The following LRP1B variants were observed in gnomAD, a reference collection of about 807,000 sequenced individuals.
The protein encoded by LRP1B is LDL receptor related protein 1B, also known as low-density lipoprotein receptor-related protein 1B.
LRP1B carries 217 observed loss-of-function variants against 556.6 expected under a neutral mutation model. The observed-to-expected ratio is 0.39, with a 90% CI of 0.35 to 0.44. The LOEUF is 0.44. Ranked by LOEUF, LRP1B falls within the 20% of genes least tolerant of loss-of-function variation. LRP1B has a pLI of 1.00. For synonymous variants in LRP1B, 2,047 were observed against 1,865.8 expected, an observed-to-expected ratio of 1.10 and a Z score of -2.50; for missense variants, 5,053 against 5,620.8, an observed-to-expected ratio of 0.90 and a Z score of 3.23.
At chr2:141,292,361 G>C (rs1292948450) in intron 3 of LRP1B, among the ~76,000 whole-genome samples, 1 of 152,020 alleles carries the variant, frequency 6.6e-6, no homozygotes, top group Non-Finnish European at 1.5e-5. Context: ...TAACCAGAAT[G>C]CTCCCTCTAT....
chr2:141,033,626 C>T (rs1461656447), intron 11 of LRP1B, among the ~76,000 whole-genome samples: 1 of 151,824 alleles, frequency 6.6e-6, no homozygotes, highest in African/African-American at 2.4e-5. Flanking sequence ...GGTAATTAGG[C>T]TTAGATGAGG....
intron 2 of LRP1B, among the ~76,000 whole-genome samples, chr2:141,510,234 A>ACCC (rs1553524127): frequency 8.3e-5 from 12 of 145,376 alleles, no homozygotes; most frequent in African/African-American, 2.8e-4. Context: ...ACACACACAC[A>ACCC]CCCCCCACAG....
intron 41 of LRP1B, among the ~76,000 whole-genome samples, chr2:140,671,954 G>A (rs139714252): frequency 6.6e-6 from 1 of 152,214 alleles, no homozygotes; most frequent in East Asian, 1.9e-4. Context: ...ATCATTAATA[G>A]CATCAACTCA....
At chr2:140,666,784 T>A (rs1685291804) in intron 41 of LRP1B, among the ~76,000 whole-genome samples, 1 of 152,184 alleles carries the variant, frequency 6.6e-6, no homozygotes, top group Non-Finnish European at 1.5e-5. Context: ...CTGATAAGTA[T>A]CTTGAAAAGA....
chr2:141,028,081 T>A (rs895883618), intron 11 of LRP1B, among the ~76,000 whole-genome samples: 1 of 152,100 alleles, frequency 6.6e-6, no homozygotes. Context: ...ATTTTGCAAA[T>A]TCTTGACTAA....
chr2:141,138,674 T>C (rs1475163535), intron 7 of LRP1B, among the ~76,000 whole-genome samples: 3 of 151,850 alleles, frequency 2.0e-5, no homozygotes, highest in Non-Finnish European at 4.4e-5. Context: ...GTTTGAAATA[T>C]ATGAAAGACC....
At chr2:142,044,847 C>T (rs990615909) in intron 1 of LRP1B, among the ~76,000 whole-genome samples, 1 of 151,586 alleles carries the variant, frequency 6.6e-6, no homozygotes, top group African/African-American at 2.4e-5. Flanking sequence ...TTAGCCTTGA[C>T]CCATTTTACT....
chr2:140,907,121 C>G (rs1005030348), intron 22 of LRP1B, among the ~76,000 whole-genome samples: 4 of 152,008 alleles, frequency 2.6e-5, no homozygotes, highest in East Asian at 1.9e-4. Flanking sequence ...TTTCTCACAG[C>G]CTCAAGTCAT....
At chr2:141,048,674 A>G (rs961735983) in intron 11 of LRP1B, among the ~76,000 whole-genome samples, 3 of 152,114 alleles carry the variant, frequency 2.0e-5, no homozygotes, top group African/African-American at 7.2e-5. Flanking sequence ...TTCATCTTCT[A>G]CCATACAGCA....
At chr2:140,708,486 CA>C (rs1686918613) in intron 37 of LRP1B, among the ~76,000 whole-genome samples, 1 of 147,164 alleles carries the variant, frequency 6.8e-6, no homozygotes, top group South Asian at 2.1e-4. Context: ...TATTCACAAA[CA>C]AAAAATATTT....
intron 20 of LRP1B, among the ~76,000 whole-genome samples, chr2:140,948,556 T>C (rs1489551406): frequency 1.3e-5 from 2 of 152,240 alleles, no homozygotes; most frequent in African/African-American, 4.8e-5. Context: ...TATTAAATGG[T>C]AGCTTTATTG....
At chr2:141,050,580 G>A (rs1574022036) in intron 10 of LRP1B, among the ~76,000 whole-genome samples, 1 of 152,006 alleles carries the variant, frequency 6.6e-6, no homozygotes, top group East Asian at 1.9e-4. Flanking sequence ...TCCAACTTAT[G>A]AGTGAAAACA....
At chr2:140,306,625 T>A (rs545277971) in intron 83 of LRP1B, among the ~76,000 whole-genome samples, 1 of 152,244 alleles carries the variant, frequency 6.6e-6, no homozygotes, top group South Asian at 2.1e-4. Flanking sequence ...CATTGATTTT[T>A]TTTTTAAGGG....
intron 2 of LRP1B, among the ~76,000 whole-genome samples, chr2:141,490,701 T>C (rs1212548168): frequency 6.6e-6 from 1 of 152,046 alleles, no homozygotes; most frequent in Non-Finnish European, 1.5e-5. Context: ...TTATAAGTAA[T>C]TGACATTGCA....
chr2:140,673,018 A>G (rs1040468350), intron 41 of LRP1B, among the ~76,000 whole-genome samples: 4 of 152,216 alleles, frequency 2.6e-5, no homozygotes, highest in African/African-American at 9.6e-5. Context: ...CTTTCCTAAC[A>G]GTGAATCTTC....
intron 78 of LRP1B, among the ~76,000 whole-genome samples, 190 bp downstream of exon 78, chr2:140,335,423 GAA>G (rs966854031): frequency 1.3e-5 from 2 of 151,416 alleles, no homozygotes; most frequent in Non-Finnish European, 2.9e-5. Flanking sequence ...GAATATTTCA[GAA>G]AAAAAATTTG....
intron 6 of LRP1B, among the ~76,000 whole-genome samples, chr2:141,192,015 A>G (rs1348520769): frequency 1.3e-5 from 2 of 151,982 alleles, no homozygotes; most frequent in Non-Finnish European, 2.9e-5. Flanking sequence ...TGCCACTGAA[A>G]CAATAGATAC....
At chr2:141,501,128 C>T (rs1039201518) in intron 2 of LRP1B, among the ~76,000 whole-genome samples, 5 of 152,068 alleles carry the variant, frequency 3.3e-5, no homozygotes, top group African/African-American at 1.2e-4. Flanking sequence ...TGATAATTCA[C>T]TTTGTGCCTT....
chr2:141,011,131 T>C (rs1697736714), intron 14 of LRP1B, among the ~76,000 whole-genome samples: 1 of 150,666 alleles, frequency 6.6e-6, no homozygotes, highest in Non-Finnish European at 1.5e-5. Context: ...TTTATTTTAT[T>C]CCATTAGGCA....
Sources: gnomAD v4.1 joint callset for allele counts (sites outside exome capture counted in the v4.1 genomes callset) on GRCh38, gnomAD v4.1.1 for gene constraint, MANE v1.5 for transcripts, NCBI Gene and HGNC (gene_info 2026-07-23, HGNC 2026-07-21) for gene names.